ADGRL3: variants seen among roughly 807,000 people sequenced by gnomAD.
ADGRL3 encodes calcium-independent alpha-latrotoxin receptor 3.
Under a neutral mutation model 153.5 loss-of-function variants are expected in ADGRL3, and 62 were observed. The ratio of observed to expected loss-of-function variants is 0.40; its 90% confidence interval spans 0.33 to 0.50. The LOEUF is 0.50. Ranked by LOEUF, ADGRL3 falls within the 20% of genes least tolerant of loss-of-function variation. The pLI is 0.47. For missense variants in ADGRL3, 1,641 were observed against 1,859.4 expected (o/e 0.88, Z 2.16); for synonymous variants, 710 against 672.5 (o/e 1.06, Z -0.86).
intron 1 of ADGRL3, among the ~76,000 whole-genome samples, chr4:61,317,025 C>A (rs748238779): frequency 6.6e-6 from 1 of 152,152 alleles, no homozygotes; most frequent in Non-Finnish European, 1.5e-5. Context: ...ACCTTTTAAG[C>A]TTCCACCAAT....
intron 2 of ADGRL3, among the ~76,000 whole-genome samples, chr4:61,449,386 C>T (rs192043336): frequency 7.9e-4 from 120 of 151,980 alleles, no homozygotes; most frequent in African/African-American, 2.7e-3. Context: ...CTGCCTGCCT[C>T]GGCCTCCCAA....
At chr4:61,585,571 A>C (rs2098943060) in intron 4 of ADGRL3, among the ~76,000 whole-genome samples, 1 of 152,072 alleles carries the variant, frequency 6.6e-6, no homozygotes, top group African/African-American at 2.4e-5. Context: ...TTAGTGAGTT[A>C]ATCAACTATA....
intron 17 of ADGRL3, among the ~76,000 whole-genome samples, chr4:61,967,030 A>C (rs946784360): frequency 4.6e-5 from 7 of 152,174 alleles, no homozygotes; most frequent in African/African-American, 1.4e-4. Context: ...TGCAAGACCA[A>C]AAATATGCTT....
rs146404893 is a variant in ADGRL3, at chr4:61,969,898, G to A, written c.2806-9665G>A. On this transcript the variant is annotated intron_variant, in intron 17 of 26. Coordinates refer to ENST00000683033, the MANE Select transcript of ADGRL3 (RefSeq NM_001387552.1). ...CAGCCTCCATTTTCTACGTGGTCCT[G>A]TGGATTTTGTACATTTCTTTTAACC... Among the ~76,000 whole-genome samples, 5 of 152,226 alleles carry A rather than the reference G, an allele frequency of 3.3e-5. No individual in the cohort carries two copies. In the East Asian group the frequency reaches 9.7e-4, roughly 29 times the overall value.
chr4:61,912,634 T>C lies in ADGRL3; in HGVS notation c.2074-85T>C, dbSNP rs41278555. On this transcript the variant is annotated intron_variant, in intron 12 of 26. Coordinates refer to ENST00000683033, the MANE Select transcript of ADGRL3 (RefSeq NM_001387552.1). Reference sequence around the variant, plus strand: ...GACAAAATAAGGTGTTTTGTGTAGATGTGTTCTTTTATTTTTCTTGTTTTC... The same window carrying C: ...GACAAAATAAGGTGTTTTGTGTAGACGTGTTCTTTTATTTTTCTTGTTTTC... 10,326 of 1,182,768 alleles carry C rather than the reference T, an allele frequency of 8.7e-3. 55 individuals are homozygous for C. Among genetic ancestry groups the C allele is most frequent in the Non-Finnish European group, 0.01 (8,136 of 799,828 alleles). 73.3% of individuals were successfully genotyped at this position (1,182,768 alleles called of 1,614,324 possible).
chr4:61,611,062 C>T (rs966745648), intron 5 of ADGRL3, among the ~76,000 whole-genome samples: 2 of 152,028 alleles, frequency 1.3e-5, no homozygotes, highest in Admixed American at 1.3e-4. Context: ...GAAATAAACC[C>T]TAAAATTTCG....
chr4:61,425,837 A>G (rs1420035143), intron 2 of ADGRL3, among the ~76,000 whole-genome samples: 2 of 152,224 alleles, frequency 1.3e-5, no homozygotes, highest in Non-Finnish European at 2.9e-5. Context: ...GGGCTATGGT[A>G]GCCAACCATC....
At chr4:61,279,452 G>GTT (rs2093626754) in intron 1 of ADGRL3, among the ~76,000 whole-genome samples, 1 of 152,098 alleles carries the variant, frequency 6.6e-6, no homozygotes, top group Admixed American at 6.5e-5. Context: ...TATGAATATT[G>GTT]TAACGAGAGA....
chr4:61,362,357 CAT>C (rs757577726), intron 1 of ADGRL3, among the ~76,000 whole-genome samples: 3 of 150,962 alleles, frequency 2.0e-5, no homozygotes, highest in Non-Finnish European at 1.5e-5. Flanking sequence ...CACACACACA[CAT>C]ATATACACTT....
At chr4:61,368,642 T>C (rs2096458152) in intron 1 of ADGRL3, among the ~76,000 whole-genome samples, 1 of 152,084 alleles carries the variant, frequency 6.6e-6, no homozygotes, top group African/African-American at 2.4e-5. Context: ...CCTTGTAGTA[T>C]AGTTTGAAGT....
intron 13 of ADGRL3, among the ~76,000 whole-genome samples, chr4:61,915,817 C>T (rs991204712): frequency 1.3e-5 from 2 of 152,054 alleles, no homozygotes; most frequent in Non-Finnish European, 2.9e-5. Flanking sequence ...TTTCAGAGTA[C>T]ATTCAGAGCT....
intron 19 of ADGRL3, among the ~76,000 whole-genome samples, chr4:61,988,372 C>T (rs140673785): frequency 9.2e-5 from 14 of 152,134 alleles, no homozygotes; most frequent in African/African-American, 3.4e-4. Context: ...GTATAAATTG[C>T]GCTGTTAATA....
At chr4:61,332,967 T>C (rs1370113553) in intron 1 of ADGRL3, among the ~76,000 whole-genome samples, 1 of 152,172 alleles carries the variant, frequency 6.6e-6, no homozygotes, top group African/African-American at 2.4e-5. Context: ...ATAAATAGTA[T>C]ACATTATAGA....
intron 2 of ADGRL3, among the ~76,000 whole-genome samples, chr4:61,390,147 T>C (rs1257006217): frequency 1.3e-5 from 2 of 152,210 alleles, no homozygotes; most frequent in African/African-American, 4.8e-5. Context: ...AAAATTTAGT[T>C]ATTTTAAAAT....
chr4:61,959,486 A>C (rs772227777), intron 17 of ADGRL3, among the ~76,000 whole-genome samples: 1 of 151,904 alleles, frequency 6.6e-6, no homozygotes, highest in South Asian at 2.1e-4. Flanking sequence ...TCCCAACTTC[A>C]CCTCATTCCA....
chr4:61,295,302 CTATTT>C (rs2094370894), intron 1 of ADGRL3, among the ~76,000 whole-genome samples: 1 of 152,060 alleles, frequency 6.6e-6, no homozygotes, highest in Non-Finnish European at 1.5e-5. Flanking sequence ...TATAATTTTT[CTATTT>C]TATCACTTGT....
intron 8 of ADGRL3, among the ~76,000 whole-genome samples, chr4:61,793,283 T>C (rs549122537): frequency 9.9e-5 from 15 of 151,998 alleles, no homozygotes; most frequent in African/African-American, 2.9e-4. Flanking sequence ...AATTAGCCAG[T>C]TGTGGCGGCG....
intron 5 of ADGRL3, among the ~76,000 whole-genome samples, chr4:61,627,983 G>C (rs370598838): frequency 2.0e-5 from 3 of 152,118 alleles, no homozygotes; most frequent in African/African-American, 7.2e-5. Flanking sequence ...CAATAACAAG[G>C]ATGCTTGGAC....
At chr4:61,442,581 G>A (rs1464128497) in intron 2 of ADGRL3, among the ~76,000 whole-genome samples, 2 of 152,036 alleles carry the variant, frequency 1.3e-5, no homozygotes, top group East Asian at 3.9e-4. Flanking sequence ...AGAGGAAGAA[G>A]GCAGTTATGA....
Sources: allele counts gnomAD v4.1 joint callset (sites outside exome capture counted in the v4.1 genomes callset), GRCh38; gene constraint gnomAD v4.1.1; transcripts MANE v1.5; gene names NCBI Gene and HGNC (gene_info 2026-07-23, HGNC 2026-07-21).